SLC35F2: variants seen among roughly 807,000 people sequenced by gnomAD.
SLC35F2 encodes the protein solute carrier family 35 member F2, also known as queuine/queuosine transporter SLC35F2.
SLC35F2 carries 25 observed loss-of-function variants against 38.1 expected under a neutral mutation model. The observed-to-expected ratio is 0.66, with a 90% confidence interval of 0.48 to 0.92. The LOEUF (loss-of-function observed/expected upper bound fraction) is 0.92, where lower values mean the gene tolerates loss of function less well. Among genes scored for constraint, SLC35F2 ranks in the 40% least tolerant of loss-of-function variants. The probability of loss-of-function intolerance (pLI) is 0.00; values close to 1 mark genes in which losing one functional copy is unlikely to be tolerated. For missense variants in SLC35F2, 409 were observed against 452.9 expected, an observed-to-expected ratio of 0.90 and a Z score of 0.88; for synonymous variants, 173 against 181.7, an observed-to-expected ratio of 0.95 and a Z score of 0.38.
At chr11:107,843,691 C>T (rs899426998) in intron 1 of SLC35F2, among the ~76,000 whole-genome samples, 3 of 150,870 alleles carry the variant, frequency 2.0e-5, no homozygotes, top group South Asian at 2.1e-4. Context: ...CCCATTTCTA[C>T]AAAAATTTTT....
chr11:107,845,623 T>G (rs974771828), intron 1 of SLC35F2, among the ~76,000 whole-genome samples: 13 of 152,024 alleles, frequency 8.6e-5, no homozygotes, highest in African/African-American at 3.1e-4. Flanking sequence ...AATAACCAAG[T>G]TTTTGTGACA....
chr11:107,812,040 C>T (rs1313906732), intron 2 of SLC35F2, among the ~76,000 whole-genome samples: 1 of 151,988 alleles, frequency 6.6e-6, no homozygotes, highest in African/African-American at 2.4e-5. Context: ...TAGCTGGGAC[C>T]ACAGGCGTAC....
intron 1 of SLC35F2, among the ~76,000 whole-genome samples, chr11:107,839,722 C>G (rs773417215): frequency 6.6e-6 from 1 of 152,108 alleles, no homozygotes. Flanking sequence ...GGTGCGATCT[C>G]GGCTCATCGC....
At chr11:107,810,905 C>G in intron 3 of SLC35F2, 24 of 980,950 alleles carry the variant, frequency 2.4e-5, no homozygotes, top group Non-Finnish European at 2.9e-5. Context: ...AGGGACATAT[C>G]AAAAAGTTAT....
At chr11:107,793,772 T>G (rs1565425525) in intron 7 of SLC35F2, among the ~76,000 whole-genome samples, 1 of 152,090 alleles carries the variant, frequency 6.6e-6, no homozygotes, top group Non-Finnish European at 1.5e-5. Context: ...AACAGAGCCC[T>G]GTGAGAGGCA....
In SLC35F2 at chr11:107,811,888, G is replaced by T. The variant is rs1001790271; in HGVS notation, c.287-94C>A. 7 of 1,177,222 alleles carry T rather than the reference G, an allele frequency of 5.9e-6. No homozygotes were observed. The African/African-American group carries it at 6.3e-5, about 11-fold the overall frequency. The allele number at this position is 1,177,222 out of a possible 1,614,324, so 72.9% of individuals were successfully genotyped here. On this transcript the variant is annotated intron_variant, in intron 2 of 7. Transcript: ENST00000525815. Reference sequence around the variant, plus strand: ...AAAAGAGTAGAAGCAAGAGTTTCTTGTTTTTTTTTCTTTTTTCTTCTTCTT... The same window carrying T: ...AAAAGAGTAGAAGCAAGAGTTTCTTTTTTTTTTTTCTTTTTTCTTCTTCTT...
chr11:107,805,984 T>C (rs1160477491), intron 4 of SLC35F2, among the ~76,000 whole-genome samples: 3 of 152,220 alleles, frequency 2.0e-5, no homozygotes, highest in Non-Finnish European at 2.9e-5. Context: ...GGTTTCACCA[T>C]GTTGGCCAGG....
intron 7 of SLC35F2, among the ~76,000 whole-genome samples, chr11:107,802,146 G>A (rs1329213352): frequency 6.6e-6 from 1 of 151,992 alleles, no homozygotes; most frequent in Non-Finnish European, 1.5e-5. Context: ...GCTGAGGCAG[G>A]AGAATCACTT....
At chr11:107,827,089 A>C (rs948017568) in intron 1 of SLC35F2, among the ~76,000 whole-genome samples, 1 of 152,180 alleles carries the variant, frequency 6.6e-6, no homozygotes, top group Non-Finnish European at 1.5e-5. Context: ...ATATAGAAAA[A>C]AGATGAAGAT....
At chr11:107,795,786 G>C (rs1401749742) in intron 7 of SLC35F2, among the ~76,000 whole-genome samples, 1 of 152,198 alleles carries the variant, frequency 6.6e-6, no homozygotes, top group Non-Finnish European at 1.5e-5. Context: ...ACCTCAGTTA[G>C]AATGGCTATT....
At chr11:107,815,367 T>C (rs181532361) in intron 2 of SLC35F2, among the ~76,000 whole-genome samples, 1 of 143,128 alleles carries the variant, frequency 7.0e-6, no homozygotes, top group African/African-American at 2.6e-5. Context: ...CAGCGCAACA[T>C]GGCAAAAACC....
At chr11:107,799,165 A>G (rs1859266597) in intron 7 of SLC35F2, among the ~76,000 whole-genome samples, 1 of 152,234 alleles carries the variant, frequency 6.6e-6, no homozygotes, top group South Asian at 2.1e-4. Context: ...AGATTTCAGA[A>G]GACCTGCTCT....
At chr11:107,802,669 G>A (rs1410420638) in intron 7 of SLC35F2, among the ~76,000 whole-genome samples, 1 of 152,206 alleles carries the variant, frequency 6.6e-6, no homozygotes, top group Admixed American at 6.5e-5. Flanking sequence ...TAGTGCTCAG[G>A]TTAAGTTACA....
intron 1 of SLC35F2, among the ~76,000 whole-genome samples, chr11:107,852,537 C>T (rs1367107314): frequency 9.1e-5 from 12 of 131,886 alleles, no homozygotes; most frequent in South Asian, 2.5e-4. Context: ...AGCAACAGTG[C>T]GAGACTCCAC....
intron 1 of SLC35F2, among the ~76,000 whole-genome samples, chr11:107,847,315 T>C (rs1356271954): frequency 6.6e-6 from 1 of 152,200 alleles, no homozygotes; most frequent in Non-Finnish European, 1.5e-5. Context: ...TGTTCCAAAG[T>C]GCTGGGATCA....
At chr11:107,848,862 C>G (rs1860134762) in intron 1 of SLC35F2, among the ~76,000 whole-genome samples, 2 of 152,182 alleles carry the variant, frequency 1.3e-5, no homozygotes, top group Admixed American at 6.5e-5. Flanking sequence ...AAGAGCTCCT[C>G]CGGTTTGCAA....
chr11:107,807,561 C>A (rs76913551), intron 3 of SLC35F2, among the ~76,000 whole-genome samples: 8,526 of 145,108 alleles, frequency 0.059, 286 homozygotes, highest in East Asian at 0.15. Flanking sequence ...TATATCTTTT[C>A]TTTTATTTTA....
At chr11:107,855,441 T>C (rs528182045) in intron 1 of SLC35F2, among the ~76,000 whole-genome samples, 1 of 152,016 alleles carries the variant, frequency 6.6e-6, no homozygotes, top group Admixed American at 6.6e-5. Flanking sequence ...TCACCTGAGG[T>C]TGGGAGTTCG....
At chr11:107,853,922 A>T (rs916911079) in intron 1 of SLC35F2, among the ~76,000 whole-genome samples, 1 of 152,002 alleles carries the variant, frequency 6.6e-6, no homozygotes, top group East Asian at 1.9e-4. Context: ...ACGCGTTTTT[A>T]AAATATATGA....
Sources: allele counts gnomAD v4.1 joint callset (sites outside exome capture counted in the v4.1 genomes callset), GRCh38; gene constraint gnomAD v4.1.1; transcripts MANE v1.5; gene names NCBI Gene and HGNC (gene_info 2026-07-23, HGNC 2026-07-21).